KLHL4: variants seen among roughly 807,000 people sequenced by gnomAD.
The protein encoded by KLHL4 is kelch-like protein 4.
A neutral mutation model predicts 45.8 loss-of-function variants in KLHL4; 17 were observed. The ratio of observed to expected loss-of-function variants is 0.37; its 90% CI spans 0.25 to 0.56. The LOEUF (loss-of-function observed/expected upper bound fraction) is 0.56. Ranked by LOEUF, KLHL4 falls within the 20% of genes least tolerant of loss-of-function variation. The pLI is 0.79. For missense variants in KLHL4, 544 were observed against 544.9 expected, an observed-to-expected ratio of 1.00 and a Z score of 0.02; for synonymous variants, 224 against 189.9, an observed-to-expected ratio of 1.18 and a Z score of -1.47.
At chrX:87,620,408 C>A (rs7892106) in intron 4 of KLHL4, among the ~76,000 whole-genome samples, 20,655 of 110,752 alleles carry the variant, frequency 0.19, 1,436 homozygotes, top group Non-Finnish European at 0.21. Flanking sequence ...TACACTTATT[C>A]TTTATTTAGA....
intron 9 of KLHL4, among the ~76,000 whole-genome samples, chrX:87,649,075 A>C (rs1027927790): frequency 8.9e-6 from 1 of 111,754 alleles, no homozygotes. Context: ...TTTTAAGTGT[A>C]CAGTTTAGTG....
chrX:87,556,351 G>A (rs1228247937), intron 1 of KLHL4, among the ~76,000 whole-genome samples: 1 of 109,961 alleles, frequency 9.1e-6, no homozygotes, highest in Non-Finnish European at 1.9e-5. Flanking sequence ...CATAAAAAAT[G>A]ATGAGTTCAT....
intron 1 of KLHL4, among the ~76,000 whole-genome samples, chrX:87,568,391 C>CTTTTTTTTTTTT (rs58586775): frequency 5.6e-4 from 32 of 57,482 alleles, no homozygotes; most frequent in African/African-American, 6.7e-4. Context: ...TTCTTTTTTT[C>CTTTTTTTTTTTT]TTTTTTTTTT....
At chrX:87,566,715 G>A (rs867563531) in intron 1 of KLHL4, among the ~76,000 whole-genome samples, 1 of 111,643 alleles carries the variant, frequency 9.0e-6, no homozygotes, top group African/African-American at 3.2e-5. Context: ...CGAATCTAGC[G>A]TCATAGTAAA....
At chrX:87,574,597 C>CT (rs34199947) in intron 1 of KLHL4, among the ~76,000 whole-genome samples, 1 of 111,209 alleles carries the variant, frequency 9.0e-6, no homozygotes, top group Admixed American at 9.6e-5. Context: ...AATCGCCTCA[C>CT]TTTTTTTGAA....
chrX:87,540,065 A>G (rs1181786159), intron 1 of KLHL4, among the ~76,000 whole-genome samples: 1 of 111,240 alleles, frequency 9.0e-6, no homozygotes, highest in Non-Finnish European at 1.9e-5. Flanking sequence ...CTAAAAATAA[A>G]AAGGACAGTA....
intron 1 of KLHL4, among the ~76,000 whole-genome samples, chrX:87,580,344 A>T (rs1362354367): frequency 9.0e-6 from 1 of 110,556 alleles, no homozygotes; most frequent in Non-Finnish European, 1.9e-5. Flanking sequence ...AAAAACCAAC[A>T]AAATTGCAAG....
intron 1 of KLHL4, among the ~76,000 whole-genome samples, chrX:87,527,171 T>C (rs1361696671): frequency 8.9e-6 from 1 of 112,192 alleles, no homozygotes; most frequent in Non-Finnish European, 1.9e-5. Context: ...CACTTTTATA[T>C]ATTTACACTA....
intron 9 of KLHL4, among the ~76,000 whole-genome samples, chrX:87,654,742 A>G (rs1053427201): frequency 2.7e-5 from 3 of 111,764 alleles, no homozygotes; most frequent in African/African-American, 9.8e-5. Context: ...TAAAGATTGT[A>G]CTTATTTGCA....
At chrX:87,519,011 T>C (rs34380497) in intron 1 of KLHL4, among the ~76,000 whole-genome samples, 28,495 of 110,899 alleles carry the variant, frequency 0.26, 3,042 homozygotes, top group East Asian at 0.55. Flanking sequence ...AGTTTGGGTA[T>C]AGTTCATAAA....
chrX:87,556,320 C>T (rs1602415000), intron 1 of KLHL4, among the ~76,000 whole-genome samples: 1 of 110,220 alleles, frequency 9.1e-6, no homozygotes, highest in African/African-American at 3.3e-5. Flanking sequence ...GGCACATATA[C>T]ACCATGGAAT....
rs987480207 is a variant in KLHL4 at position 87,609,017 on chromosome X, G to T, written c.423-4860G>T. On this transcript the variant is annotated intron_variant, in intron 1 of 10. Coordinates refer to ENST00000373119, the MANE Select transcript of KLHL4 (RefSeq NM_019117.5). ...TATGAGTGAGAACATGTGGTGTATG[G>T]TTTTTTGTCCTTGCAACAGTTTGCT... Among the ~76,000 whole-genome samples the T allele has an allele frequency of 4.5e-5, 5 of 110,996 alleles. No individual in the cohort carries two copies. In the East Asian group the frequency reaches 8.6e-4, roughly 19 times the overall value.
chrX:87,648,570 G>GA (rs1329476535), intron 9 of KLHL4, among the ~76,000 whole-genome samples: 1 of 111,257 alleles, frequency 9.0e-6, no homozygotes, highest in African/African-American at 3.3e-5. Flanking sequence ...GGAATATCAT[G>GA]AAAAAAGCAA....
At chrX:87,606,077 C>T (rs1922184641) in intron 1 of KLHL4, among the ~76,000 whole-genome samples, 1 of 111,313 alleles carries the variant, frequency 9.0e-6, no homozygotes, top group Admixed American at 9.6e-5. Context: ...TGGGATTAAT[C>T]CCACTTGATC....
At chrX:87,638,434 C>A (rs1025739783) in intron 9 of KLHL4, among the ~76,000 whole-genome samples, 1 of 111,544 alleles carries the variant, frequency 9.0e-6, no homozygotes, top group Admixed American at 9.5e-5. Flanking sequence ...ATCTTAAGAA[C>A]TGTGAGGGAA....
rs947317037 is a variant in KLHL4, at chrX:87,666,917, T to A, written c.*383T>A. On this transcript the variant is annotated 3_prime_UTR_variant, in exon 11 of 11. Coordinates refer to ENST00000373119, the MANE Select transcript of KLHL4 (RefSeq NM_019117.5). ...AAAAGTTAAAAACATTTTCAGTTTT[T>A]TTTTAAAAAACGTACTCTTATTATC... 1.4e-5 allele frequency: 10 copies of A among 709,187 alleles called. No homozygotes were observed. The highest frequency in any genetic ancestry group is 1.7e-5 in the Non-Finnish European group (10 of 598,975). The allele number at this position is 709,187 out of a possible 1,213,427, so 58.4% of individuals were successfully genotyped here. A position where few individuals can be genotyped will look rare whatever the true frequency, so the allele number is the denominator to read the frequency against.
Position 87,639,806 on chromosome X carries a change from A to G in KLHL4, c.1925+4031A>G, listed in dbSNP as rs1030540233. On this transcript the variant is annotated intron_variant, in intron 9 of 10. Coordinates refer to ENST00000373119, the MANE Select transcript of KLHL4 (RefSeq NM_019117.5). Reference sequence around the variant, plus strand: ...AGGGTTACACGTCAAGGAACTAGAGAAAAAACAACAAACAAACCCAGCAGA... The same window carrying G: ...AGGGTTACACGTCAAGGAACTAGAGGAAAAACAACAAACAAACCCAGCAGA... Among the ~76,000 whole-genome samples the G allele has an allele frequency of 1.1e-3, 127 of 110,910 alleles. 1 individual carries two copies. Among genetic ancestry groups the G allele is most frequent in the African/African-American group, 4.0e-3 (123 of 30,597 alleles).
At chrX:87,652,184 C>G (rs1164552324) in intron 9 of KLHL4, among the ~76,000 whole-genome samples, 1 of 112,245 alleles carries the variant, frequency 8.9e-6, no homozygotes, top group African/African-American at 3.2e-5. Flanking sequence ...AGGCTGCACA[C>G]AGCATGGGGA....
rs191797265 is a variant in KLHL4 at position 87,633,975 on chromosome X, A to G, written c.1712+64A>G. On this transcript the variant is annotated intron_variant, in intron 8 of 10. Transcript: ENST00000373119. ...TCATATAGTATAGAACTTCGGTGAC[A>G]TGATCCATCCAATCAATTAGCATTC... 3.0e-4 allele frequency: 279 copies of G among 921,244 alleles called. 1 individual carries two copies. The East Asian group carries it at 6.9e-3, about 23-fold the overall frequency. 75.9% of individuals were successfully genotyped at this position (921,244 alleles called of 1,213,427 possible). A position where few individuals can be genotyped will look rare whatever the true frequency, so the allele number is the denominator to read the frequency against.
Sources: gnomAD v4.1 joint callset for allele counts (sites outside exome capture counted in the v4.1 genomes callset) on GRCh38, gnomAD v4.1.1 for gene constraint, MANE v1.5 for transcripts, NCBI Gene and HGNC (gene_info 2026-07-23, HGNC 2026-07-21) for gene names.